The following TRIM5 variants were observed in gnomAD, a reference collection of about 807,000 sequenced individuals.
TRIM5 encodes tripartite motif-containing protein 5.
A neutral mutation model predicts 35.6 loss-of-function variants in TRIM5; 31 were observed. The ratio of observed to expected loss-of-function variants is 0.87; its 90% CI spans 0.65 to 1.18. The LOEUF (loss-of-function observed/expected upper bound fraction) is 1.18, where lower values mean the gene tolerates loss of function less well. Ranked by LOEUF, TRIM5 falls within the 50% of genes most tolerant of loss-of-function variation. The pLI, the probability that TRIM5 is intolerant of heterozygous loss-of-function variation, is 0.00. For missense variants in TRIM5, 609 were observed against 591.6 expected (o/e 1.03, Z -0.31); for synonymous variants, 243 against 215.6 (o/e 1.13, Z -1.11).
chr11:5,606,485 C>T, the TRIM5 span, among the ~76,000 whole-genome samples: 1 of 151,774 alleles, frequency 6.6e-6, no homozygotes, highest in South Asian at 2.1e-4. Context: ...TCGTGCTTTC[C>T]TCTTGCTCCT....
chr11:5,623,715 T>C, the TRIM5 span, among the ~76,000 whole-genome samples: 4 of 151,992 alleles, frequency 2.6e-5, no homozygotes, highest in Non-Finnish European at 5.9e-5. Flanking sequence ...CGCAATTACT[T>C]TTGCACTAAC....
the TRIM5 span, among the ~76,000 whole-genome samples, chr11:5,652,109 G>GT: frequency 3.3e-5 from 5 of 152,030 alleles, no homozygotes; most frequent in East Asian, 9.7e-4. Context: ...TATTTTCTCC[G>GT]TTTTTTGTTT....
the TRIM5 span, chr11:5,643,157 G>T: frequency 6.5e-7 from 1 of 1,533,146 alleles, no homozygotes; most frequent in Non-Finnish European, 8.7e-7. Flanking sequence ...ATGTCACACT[G>T]AATTCAGTCA....
chr11:5,668,696 T>C (rs11038636), intron 4 of TRIM5, among the ~76,000 whole-genome samples: 21,929 of 152,104 alleles, frequency 0.14, 2,461 homozygotes, highest in East Asian at 0.43. Flanking sequence ...GTGATCCACC[T>C]GCCTTGGCCT....
chr11:5,629,747 GC>G, the TRIM5 span, among the ~76,000 whole-genome samples: 1 of 152,168 alleles, frequency 6.6e-6, no homozygotes, highest in South Asian at 2.1e-4. Context: ...TCGCTCTGTC[GC>G]CCGGGCTGGA....
rs377318882 is a variant in TRIM5, at chr11:5,670,758, G to C, written c.745-3047C>G. 2.7e-5 allele frequency among the ~76,000 whole-genome samples: 4 copies of C among 147,366 alleles called. No individual in the cohort carries two copies. In the South Asian group the frequency reaches 8.5e-4, roughly 31 times the overall value. ...TGAACATAACTTATATTCGAGATTAGAGGCAAACCAAAGATACATGGACAC... is the reference window on the plus strand; with the variant it reads ...TGAACATAACTTATATTCGAGATTACAGGCAAACCAAAGATACATGGACAC... On this transcript the variant is annotated intron_variant, in intron 4 of 7. Transcript: ENST00000380034.
chr11:5,645,837 A>T, the TRIM5 span: 1 of 228,034 alleles, frequency 4.4e-6, no homozygotes, highest in Non-Finnish European at 7.9e-6. Context: ...AGATGTGACA[A>T]CTGCTCTCTT....
At chr11:5,590,907 C>T in the TRIM5 span, 1 of 156,486 alleles carries the variant, frequency 6.4e-6, no homozygotes, top group Non-Finnish European at 1.4e-5. Flanking sequence ...ATCTGAACAT[C>T]AGAAGGAACA....
the TRIM5 span, among the ~76,000 whole-genome samples, chr11:5,651,725 T>G: frequency 6.6e-6 from 1 of 152,224 alleles, no homozygotes; most frequent in African/African-American, 2.4e-5. Context: ...CCAAACTGCT[T>G]TCCACAGTGG....
rs747763703 is a variant in TRIM5 at position 5,679,802 on chromosome 11, G to A, written c.376C>T (p.His126Tyr). The change falls in exon 2 of 8, where the codon CAC becomes TAC. Residue 126 changes from histidine (H) to tyrosine (Y), a missense_variant. Coordinates refer to ENST00000380034, the MANE Select transcript of TRIM5 (RefSeq NM_033034.3). Reference protein sequence around the residue: ...LCERSQEHRGHHTFLTEEVAR... With the variant: ...LCERSQEHRGYHTFLTEEVAR... ...ACCTCCTCTGTGAGGAACGTGTGGT[G>A]ACCACGGTGCTCCTGAGACCGCTCA... The A allele has an allele frequency of 3.7e-6, 6 of 1,610,738 alleles. No homozygotes were observed. Among genetic ancestry groups the A allele is most frequent in the African/African-American group, 2.7e-5 (2 of 74,694 alleles).
rs142472523 is a variant in TRIM5, at chr11:5,665,288, T to C, written c.1003A>G (p.Arg335Gly). ...PQIIYGARGT[R>G]YQTFVNFNYC... ...TTGAAATTCACAAATGTCTGGTATC[T>C]TGTCCCTCGTGCCCCATATATTATC... The change falls in exon 8 of 8, where the codon AGA becomes GGA. Residue 335 changes from arginine (R) to glycine (G), a missense_variant. Transcript: ENST00000380034. 3.1e-6 allele frequency: 5 copies of C among 1,614,094 alleles called. No individual in the cohort carries two copies. The African/African-American group carries it at 6.7e-5, about 22-fold the overall frequency.
the TRIM5 span, chr11:5,643,648 A>G: frequency 1.9e-6 from 3 of 1,613,996 alleles, no homozygotes; most frequent in South Asian, 1.1e-5. Context: ...CAGCCTGTTT[A>G]TCCATATTTC....
chr11:5,599,383 A>ATATTTATTTATT, the TRIM5 span, among the ~76,000 whole-genome samples: 7,537 of 146,872 alleles, frequency 0.051, 272 homozygotes, highest in Middle Eastern at 0.083. Flanking sequence ...TACAATTATT[A>ATATTTATTTATT]TATTTATTTA....
downstream of TRIM5, among the ~76,000 whole-genome samples, chr11:5,662,921 G>A (rs562672670): frequency 7.6e-4 from 116 of 152,216 alleles, 1 homozygote; most frequent in South Asian, 1.4e-3. Context: ...CTGAGCCCAG[G>A]GCTTCGGGAT....
chr11:5,591,336 G>A, the TRIM5 span, among the ~76,000 whole-genome samples: 15 of 152,180 alleles, frequency 9.9e-5, no homozygotes, highest in Non-Finnish European at 2.1e-4. Flanking sequence ...TTTATTGCAA[G>A]TAGACTGGCA....
the TRIM5 span, among the ~76,000 whole-genome samples, chr11:5,608,847 A>ATTTTTTTTTT: frequency 6.7e-3 from 686 of 101,850 alleles, 38 homozygotes; most frequent in Middle Eastern, 8.2e-3. Context: ...TTGCCCATAA[A>ATTTTTTTTTT]TTTTTTTTTT....
chr11:5,652,117 TTTTTGTTTTTGG>T, the TRIM5 span, among the ~76,000 whole-genome samples: 17 of 152,048 alleles, frequency 1.1e-4, no homozygotes, highest in Non-Finnish European at 1.9e-4. Context: ...CCGTTTTTTG[TTTTTGTTTTTGG>T]TTTTGGTTTT....
At chr11:5,668,851 A>C (rs376612770) in intron 4 of TRIM5, among the ~76,000 whole-genome samples, 27 of 152,208 alleles carry the variant, frequency 1.8e-4, no homozygotes, top group African/African-American at 6.3e-4. Flanking sequence ...ACTGATTTCC[A>C]ATTCCCTACT....
intron 1 of TRIM5, among the ~76,000 whole-genome samples, chr11:5,681,333 A>G (rs4992803): frequency 0.9 from 137,508 of 152,192 alleles, 62,737 homozygotes; most frequent in Non-Finnish European, 0.97. Context: ...GAGAAGGCCT[A>G]GAAAATATCT....
Sources: gnomAD v4.1 joint callset for allele counts (sites outside exome capture counted in the v4.1 genomes callset) on GRCh38, gnomAD v4.1.1 for gene constraint, MANE v1.5 for transcripts, NCBI Gene and HGNC (gene_info 2026-07-23, HGNC 2026-07-21) for gene names.